The following GLRX3 variants were observed in gnomAD, a reference collection of about 807,000 sequenced individuals.
GLRX3 encodes glutaredoxin-3.
Under a neutral mutation model 49.5 loss-of-function variants are expected in GLRX3, and 22 were observed. The observed-to-expected ratio is 0.44, with a 90% CI of 0.32 to 0.63. The LOEUF is 0.63. Among genes scored for constraint, GLRX3 ranks in the 30% least tolerant of loss-of-function variants. The probability of loss-of-function intolerance (pLI) is 0.05; values close to 1 mark genes in which losing one functional copy is unlikely to be tolerated. For missense variants in GLRX3, 385 were observed against 396.3 expected (o/e 0.97, Z 0.24); for synonymous variants, 133 against 140.0 (o/e 0.95, Z 0.35).
intron 1 of GLRX3, among the ~76,000 whole-genome samples, chr10:130,142,110 G>T (rs1862186733): frequency 6.6e-6 from 1 of 152,136 alleles, no homozygotes; most frequent in Non-Finnish European, 1.5e-5. Flanking sequence ...TTAACATCCG[G>T]TGACTAGGGG....
intron 1 of GLRX3, among the ~76,000 whole-genome samples, chr10:130,138,871 G>T (rs12266738): frequency 7.7e-5 from 8 of 103,384 alleles, no homozygotes; most frequent in Non-Finnish European, 1.2e-4. Context: ...TTTTTTTTGG[G>T]GGGGAGACAG....
intron 10 of GLRX3, among the ~76,000 whole-genome samples, chr10:130,177,778 G>T (rs1427698036): frequency 6.6e-6 from 1 of 152,200 alleles, no homozygotes; most frequent in South Asian, 2.1e-4. Flanking sequence ...AGCCGTCTGG[G>T]TTTTGTGTGA....
At chr10:130,158,616 A>G (rs1862521167) in intron 2 of GLRX3, among the ~76,000 whole-genome samples, 1 of 152,208 alleles carries the variant, frequency 6.6e-6, no homozygotes. Flanking sequence ...ACAGAAAATA[A>G]TGAGCTGGAG....
rs117702395 is a variant in GLRX3, at chr10:130,164,290, A to G, written c.479-2217A>G. On this transcript the variant is annotated intron_variant, in intron 4 of 10. Coordinates refer to ENST00000331244, the MANE Select transcript of GLRX3 (RefSeq NM_006541.5). ...GAAGAGTTTCCAGAAGCACTGAGGTATATGTCATCTTAAACAGAATCTTAA... is the reference window on the plus strand; with the variant it reads ...GAAGAGTTTCCAGAAGCACTGAGGTGTATGTCATCTTAAACAGAATCTTAA... 6.2e-3 allele frequency among the ~76,000 whole-genome samples: 942 copies of G among 152,350 alleles called. 3 individuals are homozygous for G. The highest frequency in any genetic ancestry group is 0.014 in the South Asian group (70 of 4,828).
chr10:130,136,746 G>T (rs1395606297), intron 1 of GLRX3, among the ~76,000 whole-genome samples: 1 of 152,172 alleles, frequency 6.6e-6, no homozygotes, highest in African/African-American at 2.4e-5. Context: ...TCGCCTGGAA[G>T]CCCCGGCCCC....
chr10:130,150,784 A>G (rs574444006), intron 2 of GLRX3, among the ~76,000 whole-genome samples: 2 of 152,306 alleles, frequency 1.3e-5, no homozygotes, highest in African/African-American at 4.8e-5. Flanking sequence ...CTGTATAACC[A>G]GGTGCATGCT....
At chr10:130,176,774 T>C (rs35151771) in intron 10 of GLRX3, among the ~76,000 whole-genome samples, 226 of 110,986 alleles carry the variant, frequency 2.0e-3, no homozygotes, top group Admixed American at 3.4e-3. Flanking sequence ...CCCTCCCTCT[T>C]TCTCTCTCTC....
At chr10:130,155,050 C>T (rs1369564735) in intron 2 of GLRX3, among the ~76,000 whole-genome samples, 1 of 152,036 alleles carries the variant, frequency 6.6e-6, no homozygotes, top group East Asian at 1.9e-4. Flanking sequence ...TAGCTCACTG[C>T]AGCCCCAAAC....
chr10:130,136,451 G>A lies in GLRX3; in HGVS notation c.31G>A (p.Ala11Thr), dbSNP rs928082150. The A allele has an allele frequency of 2.9e-5, 37 of 1,262,582 alleles. No homozygotes were observed. The East Asian group carries it at 9.4e-4, about 32-fold the overall frequency. 78.2% of individuals were successfully genotyped at this position (1,262,582 alleles called of 1,614,324 possible). A position where few individuals can be genotyped will look rare whatever the true frequency, so the allele number is the denominator to read the frequency against. The change falls in exon 1 of 11, where the codon GCG becomes ACG. Residue 11 changes from alanine to threonine, a missense_variant. Physicochemically the swap from Ala to Thr is moderately conservative, Grantham distance 58 (BLOSUM62 0). This residue lies in a region of GLRX3 where 374 missense variants were observed against 358.6 expected (regional missense o/e 1.04). Coordinates refer to ENST00000331244, the MANE Select transcript of GLRX3 (RefSeq NM_006541.5). MAAGAAEAAV[A>T]AVEEVGSAGQ... ...GGCGGGGGCGGCTGAGGCAGCTGTA[G>A]CGGCCGTGGAGGAGGTCGGCTCAGC...
At chr10:130,149,905 G>A (rs1862339747) in intron 2 of GLRX3, among the ~76,000 whole-genome samples, 1 of 147,454 alleles carries the variant, frequency 6.8e-6, no homozygotes, top group South Asian at 2.2e-4. Flanking sequence ...CTTGACATGG[G>A]GACCTTTACC....
At chr10:130,162,181 T>C (rs1283873881) in intron 4 of GLRX3, among the ~76,000 whole-genome samples, 3 of 152,180 alleles carry the variant, frequency 2.0e-5, no homozygotes, top group Admixed American at 1.3e-4. Flanking sequence ...GGTTTGTCCA[T>C]GTTGGTCAGG....
chr10:130,174,678 A>G (rs1434448814), intron 8 of GLRX3, among the ~76,000 whole-genome samples, 189 bp from the exon 9 acceptor site: 1 of 152,242 alleles, frequency 6.6e-6, no homozygotes, highest in African/African-American at 2.4e-5. Flanking sequence ...AGATAAAGTC[A>G]TATGTTGGAA....
chr10:130,162,744 A>G (rs894988703), intron 4 of GLRX3, among the ~76,000 whole-genome samples: 2 of 152,232 alleles, frequency 1.3e-5, no homozygotes, highest in African/African-American at 4.8e-5. Flanking sequence ...AGGAGTGCTC[A>G]GAGGAGAAGG....
At chr10:130,137,860 G>T (rs908420701) in intron 1 of GLRX3, among the ~76,000 whole-genome samples, 2 of 151,916 alleles carry the variant, frequency 1.3e-5, no homozygotes, top group Non-Finnish European at 2.9e-5. Flanking sequence ...TCATCCTCCC[G>T]AGTAGCTGGG....
At chr10:130,138,847 G>GTTTTTT (rs61152449) in intron 1 of GLRX3, among the ~76,000 whole-genome samples, 34 of 95,012 alleles carry the variant, frequency 3.6e-4, no homozygotes, top group African/African-American at 1.1e-3. Context: ...GAATAAAAGT[G>GTTTTTT]TTTTTTTTTT....
At chr10:130,158,311 C>T (rs556566432) in intron 2 of GLRX3, among the ~76,000 whole-genome samples, 1 of 151,894 alleles carries the variant, frequency 6.6e-6, no homozygotes, top group Admixed American at 6.6e-5. Context: ...CTCCCGGGTT[C>T]AAGCGATTCT....
intron 4 of GLRX3, among the ~76,000 whole-genome samples, chr10:130,164,227 C>CTG (rs1271466665): frequency 2.0e-5 from 3 of 152,188 alleles, no homozygotes; most frequent in Non-Finnish European, 4.4e-5. Flanking sequence ...TGTCCTTACT[C>CTG]TGTGCTCCTC....
chr10:130,166,309 A>G (rs2134912471), intron 4 of GLRX3, among the ~76,000 whole-genome samples, 198 bp from the exon 5 acceptor site: 1 of 150,962 alleles, frequency 6.6e-6, no homozygotes, highest in Middle Eastern at 3.4e-3. Flanking sequence ...AGTGTGTGAT[A>G]TGGTTCAAGG....
chr10:130,145,061 G>C, intron 1 of GLRX3, 150 bp from the exon 2 acceptor site: 1 of 463,662 alleles, frequency 2.2e-6, no homozygotes, highest in Non-Finnish European at 3.9e-6. Context: ...TTATGTTCCA[G>C]TGTTGTATAC....
Sources: allele counts gnomAD v4.1 joint callset (sites outside exome capture counted in the v4.1 genomes callset), GRCh38; gene constraint gnomAD v4.1.1; regional missense constraint gnomAD v4.1.1; transcripts MANE v1.5; gene names NCBI Gene and HGNC (gene_info 2026-07-23, HGNC 2026-07-21).